The following URI1 variants were observed in gnomAD, a reference collection of about 807,000 sequenced individuals.
URI1 encodes unconventional prefoldin RPB5 interactor 1.
A neutral mutation model predicts 60.2 loss-of-function variants in URI1; 39 were observed. That is an observed-to-expected ratio of 0.65 (90% confidence interval 0.50 to 0.85). URI1 has a LOEUF of 0.85. Ranked by LOEUF, URI1 falls within the 40% of genes least tolerant of loss-of-function variation. The probability of loss-of-function intolerance (pLI) is 0.00; values close to 1 mark genes in which losing one functional copy is unlikely to be tolerated. For missense variants in URI1, 691 were observed against 665.9 expected, an observed-to-expected ratio of 1.04 and a Z score of -0.42; for synonymous variants, 251 against 236.8, an observed-to-expected ratio of 1.06 and a Z score of -0.55.
At position 29,942,626 on chromosome 19, in the gene URI1, G is replaced by A; in HGVS notation, c.79G>A (p.Ala27Thr). ...GGCCCCTGCCCTGGTTCCGTTGCGC[G>A]CCCCGGATGTGGCGCGGCTGCGCGA... is the stretch of plus-strand genomic sequence containing the variant. Reference protein sequence around the residue: ...APAPALVPLRAPDVARLREEQ... With the variant: ...APAPALVPLRTPDVARLREEQ... The change falls in exon 1 of 11, where the codon GCC becomes ACC. Residue 27 changes from alanine (A) to threonine (T), a missense_variant. By Grantham distance (58) the Ala-to-Thr change is moderately conservative. Transcript: ENST00000392271. 2 of 1,450,496 alleles carry A rather than the reference G, an allele frequency of 1.4e-6. No homozygotes were observed. Among genetic ancestry groups the A allele is most frequent in the South Asian group, 1.4e-5 (1 of 73,474 alleles). The allele number at this position is 1,450,496 out of a possible 1,614,324, so 89.9% of individuals were successfully genotyped here.
intron 4 of URI1, among the ~76,000 whole-genome samples, chr19:29,989,640 C>T (rs578218122): frequency 6.6e-6 from 1 of 152,264 alleles, no homozygotes; most frequent in Non-Finnish European, 1.5e-5. Flanking sequence ...TCAGGCTGGT[C>T]TTGAACTCCT....
chr19:29,962,878 T>C (rs1001096918), intron 1 of URI1, among the ~76,000 whole-genome samples: 1 of 152,188 alleles, frequency 6.6e-6, no homozygotes, highest in Non-Finnish European at 1.5e-5. Flanking sequence ...TTGCTGTGTA[T>C]GTCACTATAG....
intron 1 of URI1, among the ~76,000 whole-genome samples, chr19:29,955,086 C>T (rs1318853639): frequency 1.3e-5 from 2 of 151,448 alleles, no homozygotes; most frequent in East Asian, 1.9e-4. Context: ...CTCCGCCTCC[C>T]GGGTTCATGC....
intron 2 of URI1, among the ~76,000 whole-genome samples, chr19:29,975,083 T>G (rs947382062): frequency 2.0e-5 from 3 of 151,934 alleles, no homozygotes; most frequent in Admixed American, 6.6e-5. Context: ...TTTTTTTTTT[T>G]GGGTGGTCTG....
At chr19:29,933,139 G>A (rs954621313) in intron 1 of URI1, among the ~76,000 whole-genome samples, 15 of 152,158 alleles carry the variant, frequency 9.9e-5, no homozygotes, top group Admixed American at 9.8e-4. Flanking sequence ...TTGTCTTGCT[G>A]GCCTCATAGA....
At position 29,986,282 on chromosome 19, in the gene URI1, G is replaced by T; in HGVS notation, c.232G>T (p.Val78Leu). 1 of 1,578,842 alleles carries T rather than the reference G, an allele frequency of 6.3e-7. No individual in the cohort carries two copies. Among genetic ancestry groups the T allele is most frequent in the Non-Finnish European group, 8.5e-7 (1 of 1,170,134 alleles). The change falls in exon 4 of 11, where the codon GTA becomes TTA. Residue 78 changes from valine (V) to leucine (L), a missense_variant and splice_region_variant. Transcript: ENST00000392271. ...LPDKLSYNIM[V>L]PFGPFAFMPG... ...TTTTTTCTTTTTTTTTAAACAATAG[G>T]TACCATTTGGCCCTTTTGCCTTCAT... is the stretch of plus-strand genomic sequence containing the variant.
chr19:29,964,452 G>GTTTTTTT (rs1380907956), intron 1 of URI1, among the ~76,000 whole-genome samples: 19 of 137,254 alleles, frequency 1.4e-4, no homozygotes, highest in African/African-American at 5.0e-4. Context: ...TTTTGTTTTT[G>GTTTTTTT]TTTTTTGTTT....
At chr19:29,996,086 T>C (rs1422963248) in intron 4 of URI1, among the ~76,000 whole-genome samples, 1 of 152,136 alleles carries the variant, frequency 6.6e-6, no homozygotes, top group African/African-American at 2.4e-5. Flanking sequence ...TTTTGGTTAT[T>C]GGGGAACCCT....
chr19:30,006,262 G>A (rs1003194639), intron 6 of URI1, among the ~76,000 whole-genome samples: 7 of 152,030 alleles, frequency 4.6e-5, no homozygotes, highest in African/African-American at 1.2e-4. Context: ...TGGTTCCTTC[G>A]TCAGTTGTAA....
chr19:29,972,403 A>AT (rs2055471076), intron 2 of URI1, among the ~76,000 whole-genome samples: 1 of 152,038 alleles, frequency 6.6e-6, no homozygotes, highest in Non-Finnish European at 1.5e-5. Flanking sequence ...TGGCCAAAGA[A>AT]TTTTTTCCCC....
intron 4 of URI1, among the ~76,000 whole-genome samples, chr19:29,987,620 G>C (rs1339913210): frequency 6.6e-6 from 1 of 152,120 alleles, no homozygotes; most frequent in Non-Finnish European, 1.5e-5. Flanking sequence ...GTTATGAAAT[G>C]AATCCATAGC....
chr19:29,975,739 C>T (rs1163174594), intron 2 of URI1, among the ~76,000 whole-genome samples: 1 of 152,166 alleles, frequency 6.6e-6, no homozygotes, highest in Non-Finnish European at 1.5e-5. Context: ...CTCCTGAGCT[C>T]AGGCAATGCA....
intron 1 of URI1, among the ~76,000 whole-genome samples, chr19:29,926,287 C>A: frequency 7.2e-6 from 1 of 138,162 alleles, no homozygotes; most frequent in Non-Finnish European, 1.5e-5. Context: ...TTCCTTCCTA[C>A]CTTCTTTCCT....
At chr19:29,952,006 T>C (rs1382855727) in intron 1 of URI1, among the ~76,000 whole-genome samples, 1 of 152,230 alleles carries the variant, frequency 6.6e-6, no homozygotes, top group Non-Finnish European at 1.5e-5. Flanking sequence ...ACACAAGTAG[T>C]GCTGATTGCT....
chr19:29,955,195 A>G (rs186915752), intron 1 of URI1, among the ~76,000 whole-genome samples: 90 of 149,898 alleles, frequency 6.0e-4, no homozygotes, highest in African/African-American at 2.0e-3. Flanking sequence ...CGATCTCCTG[A>G]CCTCGTGATC....
At chr19:29,973,681 TGGGACCACA>T (rs1392524605) in intron 2 of URI1, among the ~76,000 whole-genome samples, 1 of 151,890 alleles carries the variant, frequency 6.6e-6, no homozygotes, top group Non-Finnish European at 1.5e-5. Context: ...GAAAATGGTC[TGGGACCACA>T]GGATCTACCC....
chr19:30,012,012 C>T (rs902105207), intron 9 of URI1, among the ~76,000 whole-genome samples: 19 of 151,858 alleles, frequency 1.3e-4, no homozygotes, highest in African/African-American at 4.6e-4. Context: ...CAAACCTGCA[C>T]GTTGTGCACA....
chr19:29,949,180 C>T (rs1299017850), intron 1 of URI1, among the ~76,000 whole-genome samples: 1 of 150,970 alleles, frequency 6.6e-6, no homozygotes, highest in Admixed American at 6.6e-5. Flanking sequence ...GAGGGGGCTC[C>T]TGACTTCCCA....
chr19:30,014,681 TA>T (rs34747309), intron 10 of URI1, among the ~76,000 whole-genome samples: 1,574 of 152,302 alleles, frequency 0.01, 37 homozygotes, highest in African/African-American at 0.036. Flanking sequence ...ATGTATACTG[TA>T]AAAATTACTT....
Sources: allele counts gnomAD v4.1 joint callset (sites outside exome capture counted in the v4.1 genomes callset), GRCh38; gene constraint gnomAD v4.1.1; transcripts MANE v1.5; gene names NCBI Gene and HGNC (gene_info 2026-07-23, HGNC 2026-07-21).